The following PLPPR1 variants were observed in gnomAD, a reference collection of about 807,000 sequenced individuals.
PLPPR1 encodes phospholipid phosphatase-related protein type 1.
A neutral mutation model predicts 33.1 loss-of-function variants in PLPPR1; 10 were observed. The observed-to-expected ratio is 0.30, with a 90% CI of 0.19 to 0.51. The LOEUF (loss-of-function observed/expected upper bound fraction) is 0.51, where lower values mean the gene tolerates loss of function less well. Ranked by LOEUF, PLPPR1 falls within the 20% of genes least tolerant of loss-of-function variation. PLPPR1 has a pLI of 0.97. For synonymous variants in PLPPR1, 151 were observed against 151.0 expected, an observed-to-expected ratio of 1.00 and a Z score of 0.00; for missense variants, 304 against 408.1, an observed-to-expected ratio of 0.74 and a Z score of 2.20.
Position 101,234,504 on chromosome 9 carries a change from T to C in PLPPR1, c.64-35376T>C, listed in dbSNP as rs564722681. Among the ~76,000 whole-genome samples, 19 of 151,960 alleles carry C rather than the reference T, an allele frequency of 1.3e-4. 1 individual carries two copies. The South Asian group carries it at 3.5e-3, about 28-fold the overall frequency. The stretch of plus-strand genomic sequence containing the variant: ...CCTTTTATTGACTTGGTTCGTATCA[T>C]GTCCTTAGGGTTTTACCTTCTCTCC... On this transcript the variant is annotated intron_variant, in intron 2 of 7. Transcript: ENST00000374874.
At chr9:101,236,903 A>G (rs965797576) in intron 2 of PLPPR1, among the ~76,000 whole-genome samples, 1 of 151,844 alleles carries the variant, frequency 6.6e-6, no homozygotes, top group Non-Finnish European at 1.5e-5. Context: ...CAAACAACCT[A>G]TAGAATGGGA....
At chr9:101,147,681 G>A (rs1175596579) in intron 1 of PLPPR1, among the ~76,000 whole-genome samples, 1 of 152,140 alleles carries the variant, frequency 6.6e-6, no homozygotes, top group Non-Finnish European at 1.5e-5. Context: ...CATACAGCAG[G>A]TATTTTGGGA....
intron 2 of PLPPR1, among the ~76,000 whole-genome samples, chr9:101,233,642 C>T (rs572777982): frequency 6.1e-4 from 93 of 152,054 alleles, no homozygotes; most frequent in African/African-American, 2.1e-3. Context: ...TGCTATTGCT[C>T]TTTCTCTCAC....
intron 1 of PLPPR1, among the ~76,000 whole-genome samples, chr9:101,077,960 TG>T (rs1830560190): frequency 2.7e-5 from 4 of 150,814 alleles, no homozygotes; most frequent in African/African-American, 9.8e-5. Context: ...AATTTGTAAA[TG>T]TTTATGATCA....
chr9:101,094,515 A>C (rs1830789819), intron 1 of PLPPR1, among the ~76,000 whole-genome samples: 1 of 152,200 alleles, frequency 6.6e-6, no homozygotes, highest in East Asian at 1.9e-4. Context: ...TATAAAAATC[A>C]GATTAGATTA....
chr9:101,112,137 T>A (rs17761685), intron 1 of PLPPR1, among the ~76,000 whole-genome samples: 23,935 of 152,188 alleles, frequency 0.16, 2,296 homozygotes, highest in Non-Finnish European at 0.22. Flanking sequence ...TTAAACATCT[T>A]ACCTGCGTAT....
chr9:101,202,872 G>A (rs1317507800), intron 2 of PLPPR1, among the ~76,000 whole-genome samples: 1 of 152,158 alleles, frequency 6.6e-6, no homozygotes, highest in African/African-American at 2.4e-5. Context: ...TATAGTCAGT[G>A]TACTTCTGAA....
intron 1 of PLPPR1, among the ~76,000 whole-genome samples, chr9:101,074,274 T>C (rs1830512114): frequency 6.6e-6 from 1 of 152,164 alleles, no homozygotes; most frequent in Admixed American, 6.5e-5. Flanking sequence ...GACATTGGGA[T>C]GTAGCATTTT....
chr9:101,226,787 C>G (rs903686380), intron 2 of PLPPR1, among the ~76,000 whole-genome samples: 1 of 151,940 alleles, frequency 6.6e-6, no homozygotes, highest in South Asian at 2.1e-4. Context: ...AGTTGTTATA[C>G]TGGTATACCT....
intron 2 of PLPPR1, among the ~76,000 whole-genome samples, chr9:101,249,656 T>G (rs762704476): frequency 2.0e-5 from 3 of 152,202 alleles, no homozygotes; most frequent in South Asian, 2.1e-4. Context: ...TCCTCCACAT[T>G]TTGAACAATG....
chr9:101,192,340 C>G (rs796738413), intron 2 of PLPPR1, among the ~76,000 whole-genome samples: 113 of 152,240 alleles, frequency 7.4e-4, no homozygotes, highest in African/African-American at 2.7e-3. Flanking sequence ...TCTGCTAGAT[C>G]TTATTAAAGT....
intron 1 of PLPPR1, among the ~76,000 whole-genome samples, chr9:101,136,529 CTACCTT>C (rs1389852120): frequency 6.6e-6 from 1 of 152,212 alleles, no homozygotes; most frequent in Non-Finnish European, 1.5e-5. Flanking sequence ...TCCAATTTCT[CTACCTT>C]TACTTGTTAC....
At chr9:101,165,409 G>A (rs1243647045) in intron 1 of PLPPR1, among the ~76,000 whole-genome samples, 1 of 152,106 alleles carries the variant, frequency 6.6e-6, no homozygotes, top group Non-Finnish European at 1.5e-5. Flanking sequence ...TCATGGCAGG[G>A]GTAGAAACTG....
intron 1 of PLPPR1, among the ~76,000 whole-genome samples, chr9:101,030,922 T>C (rs934284461): frequency 5.4e-5 from 8 of 148,836 alleles, no homozygotes; most frequent in African/African-American, 2.0e-4. Context: ...TAGCCAAAGG[T>C]GAAAAGCTTT....
intron 1 of PLPPR1, among the ~76,000 whole-genome samples, chr9:101,156,141 T>C (rs1831683204): frequency 6.6e-6 from 1 of 152,298 alleles, no homozygotes; most frequent in African/African-American, 2.4e-5. Context: ...TATATAATGG[T>C]TAACTAACAA....
chr9:101,057,971 T>C (rs894202577), intron 1 of PLPPR1, among the ~76,000 whole-genome samples: 7 of 152,076 alleles, frequency 4.6e-5, no homozygotes, highest in Non-Finnish European at 8.8e-5. Context: ...ATGATGGCTT[T>C]TGTGAAACAT....
In PLPPR1 at chr9:101,049,744, T is replaced by A. The variant is rs1830196005; in HGVS notation, c.-46+20642T>A. Among the ~76,000 whole-genome samples, 3 of 152,262 alleles carry A rather than the reference T, an allele frequency of 2.0e-5. No homozygotes were observed. In the South Asian group the frequency reaches 6.2e-4, roughly 32 times the overall value. On this transcript the variant is annotated intron_variant, in intron 1 of 7. Coordinates refer to ENST00000374874, the MANE Select transcript of PLPPR1 (RefSeq NM_207299.2). ...GTAATGGGTATTGTAAAATTCTATT[T>A]TTGTATAAAAACAAAATAAAAAATA...
intron 2 of PLPPR1, among the ~76,000 whole-genome samples, chr9:101,257,665 C>A (rs1273924544): frequency 6.6e-6 from 1 of 152,128 alleles, no homozygotes; most frequent in East Asian, 1.9e-4. Flanking sequence ...AACTAGTGTT[C>A]TGTACTAGAA....
At chr9:101,136,713 T>C (rs889356619) in intron 1 of PLPPR1, among the ~76,000 whole-genome samples, 1 of 152,190 alleles carries the variant, frequency 6.6e-6, no homozygotes, top group Admixed American at 6.5e-5. Flanking sequence ...GGTGAGAAAT[T>C]GAACGTGGTT....
Sources: gnomAD v4.1 joint callset for allele counts (sites outside exome capture counted in the v4.1 genomes callset) on GRCh38, gnomAD v4.1.1 for gene constraint, MANE v1.5 for transcripts, NCBI Gene and HGNC (gene_info 2026-07-23, HGNC 2026-07-21) for gene names.